SGK2: variants seen among roughly 807,000 people sequenced by gnomAD.
SGK2 encodes serine/threonine-protein kinase Sgk2.
In SGK2, 36 loss-of-function variants were observed where a neutral mutation model predicts 47.5. The ratio of observed to expected loss-of-function variants is 0.76; its 90% CI spans 0.58 to 1.00. The LOEUF (loss-of-function observed/expected upper bound fraction) is 1.00. Ranked by LOEUF, SGK2 falls within the 50% of genes least tolerant of loss-of-function variation. SGK2 has a pLI of 0.00. For synonymous variants in SGK2, 157 were observed against 181.9 expected (o/e 0.86, Z 1.10); for missense variants, 404 against 467.4 (o/e 0.86, Z 1.25).
intron 9 of SGK2, 54 bp from the exon 10 acceptor site, chr20:43,574,854 TG>T: frequency 7.4e-7 from 1 of 1,355,912 alleles, no homozygotes; most frequent in Non-Finnish European, 1.1e-6. Flanking sequence ...TATTTACAGC[TG>T]GGGCAACTGA....
chr20:43,560,487 A>G (rs1404560322), intron 1 of SGK2, among the ~76,000 whole-genome samples: 1 of 145,394 alleles, frequency 6.9e-6, no homozygotes, highest in Non-Finnish European at 1.5e-5. Context: ...CGACAGAGCG[A>G]GACTCCATCT....
At chr20:43,580,213 G>T in intron 12 of SGK2, 152 bp downstream of exon 12, 2 of 566,532 alleles carry the variant, frequency 3.5e-6, no homozygotes, top group Non-Finnish European at 6.3e-6. Flanking sequence ...ACAGAACTGG[G>T]CCTGACTACA....
chr20:43,566,001 T>C (rs1278189920), intron 1 of SGK2: 1 of 248,376 alleles, frequency 4.0e-6, no homozygotes, highest in Non-Finnish European at 7.7e-6. Flanking sequence ...TGTTCCTCTA[T>C]GGGAGTCCGG....
intron 9 of SGK2, among the ~76,000 whole-genome samples, chr20:43,573,489 C>CAAAAA (rs5841511): frequency 1.8e-5 from 2 of 111,326 alleles, no homozygotes; most frequent in African/African-American, 3.4e-5. Context: ...GACTCTGTCT[C>CAAAAA]AAAAAAAAAA....
In SGK2 at chr20:43,577,336, C is replaced by T. The variant is rs188580581; in HGVS notation, c.849+957C>T. On this transcript the variant is annotated intron_variant, in intron 11 of 12. Transcript: ENST00000373100. Reference sequence around the variant, plus strand: ...GGGCTTCTTTGCGGAGAGTGGACTGCACTGCATCTGCTTTTTTTTTTTTTT... The same window carrying T: ...GGGCTTCTTTGCGGAGAGTGGACTGTACTGCATCTGCTTTTTTTTTTTTTT... Among the ~76,000 whole-genome samples, 310 of 149,620 alleles carry T rather than the reference C, an allele frequency of 2.1e-3. 1 individual carries two copies. The highest frequency in any genetic ancestry group is 7.0e-3 in the African/African-American group (287 of 40,710).
Position 43,566,531 on chromosome 20 carries a change from G to T in SGK2, c.36G>T (p.Gln12His), listed in dbSNP as rs151094343. The change falls in exon 2 of 13, where the codon CAG becomes CAT. Residue 12 changes from glutamine to histidine, a missense_variant and splice_region_variant. Coordinates refer to ENST00000373100, the MANE Select transcript of SGK2 (RefSeq NM_170693.3). ...GCCCAGCTGGGACCCCAAGTCCACA[G>T]GTGAGTGGTTCTTGGTCCCCCACCC... Reference protein sequence around the residue: ...NSSPAGTPSPQPSRANGNINL... With the variant: ...NSSPAGTPSPHPSRANGNINL... 1 of 1,608,892 alleles carries T rather than the reference G, an allele frequency of 6.2e-7. No individual in the cohort carries two copies. The highest frequency in any genetic ancestry group is 1.1e-5 in the South Asian group (1 of 90,776).
At position 43,569,389 on chromosome 20, in the gene SGK2, G is replaced by A. The variant is rs781438134; in HGVS notation, c.233G>A (p.Ser78Asn). The A allele has an allele frequency of 2.5e-5, 40 of 1,613,770 alleles. No individual in the cohort carries two copies. Among genetic ancestry groups the A allele is most frequent in the South Asian group, 1.1e-5 (1 of 91,082 alleles). The change falls in exon 6 of 13, where the codon AGC (serine) becomes AAC (asparagine). Residue 78 changes from serine to asparagine, a missense_variant. Ser to Asn is a conservative substitution (Grantham distance 46, BLOSUM62 1). Coordinates refer to ENST00000373100, the MANE Select transcript of SGK2 (RefSeq NM_170693.3). The stretch of plus-strand genomic sequence containing the variant: ...CCTCTCTTTGTGACTCCACAGCAGA[G>A]CCACATCATGGCAGAGCGCAGTGTG... ...KKSILKKKEQSHIMAERSVLL... is the reference protein window; with the variant it reads ...KKSILKKKEQNHIMAERSVLL...
chr20:43,585,264 T>C lies in SGK2; in HGVS notation c.*248T>C, dbSNP rs1203413722. ...TTCCAATGTTAGGTTTGCTACAAGA[T>C]GGTTACTGGAGCTCTAGCTGCCTAT... On this transcript the variant is annotated 3_prime_UTR_variant, in exon 13 of 13. Transcript: ENST00000373100. The C allele has an allele frequency of 3.4e-6, 1 of 291,454 alleles. No individual in the cohort carries two copies. The highest frequency in any genetic ancestry group is 6.3e-5 in the East Asian group (1 of 15,946). The allele number at this position is 291,454 out of a possible 1,614,324, so 18.1% of individuals were successfully genotyped here. A position where few individuals can be genotyped will look rare whatever the true frequency, so the allele number is the denominator to read the frequency against.
In SGK2 at chr20:43,583,982, G is replaced by T. The variant is rs975439745; in HGVS notation, c.940-870G>T. ...CTTGTCTCTTAAAAAAAATTATTTT[G>T]TTCGGATTCTATGTGTTTTTTTTTA... On this transcript the variant is annotated intron_variant, in intron 12 of 12. Transcript: ENST00000373100. Among the ~76,000 whole-genome samples, 3 of 152,030 alleles carry T rather than the reference G, an allele frequency of 2.0e-5. No homozygotes were observed. In the South Asian group the frequency reaches 6.3e-4, roughly 32 times the overall value.
intron 12 of SGK2, among the ~76,000 whole-genome samples, chr20:43,583,944 G>A (rs951460856): frequency 8.6e-5 from 13 of 151,860 alleles, no homozygotes; most frequent in African/African-American, 2.4e-4. Flanking sequence ...CCTGGGTGAT[G>A]GGCAAAAAAG....
intron 1 of SGK2, 52 bp downstream of exon 1, chr20:43,559,211 C>T (rs1264756414): frequency 2.0e-5 from 3 of 152,230 alleles, no homozygotes; most frequent in African/African-American, 7.2e-5. Flanking sequence ...TATTGGTCTC[C>T]AGATTGACTA....
intron 11 of SGK2, among the ~76,000 whole-genome samples, chr20:43,578,675 A>G (rs908066597): frequency 2.0e-5 from 3 of 152,190 alleles, no homozygotes; most frequent in Admixed American, 6.5e-5. Flanking sequence ...TAATGTATGC[A>G]AAGTACTCTC....
intron 11 of SGK2, among the ~76,000 whole-genome samples, chr20:43,578,444 G>A (rs73272181): frequency 0.027 from 4,126 of 151,930 alleles, 210 homozygotes; most frequent in African/African-American, 0.086. Flanking sequence ...GCTGAGATGG[G>A]CACCACTGTA....
intron 1 of SGK2, among the ~76,000 whole-genome samples, chr20:43,561,446 G>A (rs1188058826): frequency 2.1e-5 from 3 of 145,888 alleles, no homozygotes; most frequent in Admixed American, 7.1e-5. Context: ...CTGGAGTGCA[G>A]TGGCGTGATC....
chr20:43,567,209 T>C (rs1979787109), intron 3 of SGK2, 92 bp downstream of exon 3: 16 of 1,104,800 alleles, frequency 1.4e-5, no homozygotes, highest in Non-Finnish European at 2.2e-5. Context: ...TTCTCTGGTC[T>C]AGCATTCAAG....
At chr20:43,583,657 A>G in intron 12 of SGK2, 3 of 971,256 alleles carry the variant, frequency 3.1e-6, no homozygotes, top group Non-Finnish European at 3.7e-6. Context: ...AGCAACTCCA[A>G]AGCTAGGTGG....
intron 10 of SGK2, 87 bp from the exon 11 acceptor site, chr20:43,576,137 C>T: frequency 1.3e-6 from 2 of 1,523,776 alleles, no homozygotes; most frequent in Non-Finnish European, 1.8e-6. Context: ...ACTGAATCCT[C>T]CCAGCCGCCC....
At chr20:43,568,141 G>C in intron 5 of SGK2, 142 bp downstream of exon 5, 1 of 646,850 alleles carries the variant, frequency 1.5e-6, no homozygotes, top group Non-Finnish European at 2.7e-6. Flanking sequence ...AGGGGAGGTG[G>C]TACGCAGGAT....
At chr20:43,564,475 G>A (rs919527900) in intron 1 of SGK2, among the ~76,000 whole-genome samples, 12 of 151,996 alleles carry the variant, frequency 7.9e-5, no homozygotes, top group Admixed American at 5.9e-4. Context: ...CTAGCCGCAC[G>A]CATGCGTGCA....
Sources: gnomAD v4.1 joint callset for allele counts (sites outside exome capture counted in the v4.1 genomes callset) on GRCh38, gnomAD v4.1.1 for gene constraint, MANE v1.5 for transcripts, NCBI Gene and HGNC (gene_info 2026-07-23, HGNC 2026-07-21) for gene names.